Variants in SEC31B observed in about 807,000 individuals in gnomAD.
SEC31B encodes protein transport protein Sec31B.
In SEC31B, 113 loss-of-function variants were observed where a neutral mutation model predicts 135.0. The ratio of observed to expected loss-of-function variants is 0.84; its 90% CI spans 0.72 to 0.98. The LOEUF is 0.98. Ranked by LOEUF, SEC31B falls within the 50% of genes least tolerant of loss-of-function variation. The probability of loss-of-function intolerance (pLI) is 0.00; values close to 1 mark genes in which losing one functional copy is unlikely to be tolerated. For synonymous variants in SEC31B, 508 were observed against 549.4 expected (o/e 0.92, Z 1.05); for missense variants, 1,296 against 1,421.1 (o/e 0.91, Z 1.42).
At chr10:100,515,915 G>A (rs3750628) in intron 3 of SEC31B, among the ~76,000 whole-genome samples, 181 bp downstream of exon 3, 1 of 97,574 alleles carries the variant, frequency 1.0e-5, no homozygotes. Flanking sequence ...TGACTGGAAA[G>A]GGGGGGGGTG....
At chr10:100,505,861 T>C (rs2133689969) in intron 9 of SEC31B, 179 bp downstream of exon 9, 4 of 1,496,766 alleles carry the variant, frequency 2.7e-6, no homozygotes, top group Admixed American at 2.3e-5. Context: ...CTTCTTCACA[T>C]TGTGGCAGAA....
In SEC31B at chr10:100,490,830, C is replaced by T. The variant is rs75529153; in HGVS notation, c.2526G>A (p.Ala842=). The change falls in exon 20 of 26, where the codon GCG becomes GCA. Residue 842 remains alanine, a synonymous_variant. Transcript: ENST00000370345. ...PRVFTPQSSP[A]MPLAPSHPSP... ...TAGGATGGGAAGGTGCCAAGGGCAT[C>T]GCTGGTGATGACTGAGGGGTGAAAA... 0.016 allele frequency: 26,144 copies of T among 1,596,654 alleles called. 290 individuals carry two copies. Among genetic ancestry groups the T allele is most frequent in the Non-Finnish European group, 0.018 (21,324 of 1,169,240 alleles).
intron 3 of SEC31B, among the ~76,000 whole-genome samples, chr10:100,512,107 T>C (rs1403308447): frequency 1.3e-5 from 2 of 151,872 alleles, no homozygotes; most frequent in African/African-American, 4.8e-5. Flanking sequence ...CTGCTTGATG[T>C]TGTCCCTTAC....
rs771179890 is a variant in SEC31B, at chr10:100,508,999, C to T, written c.495+8G>A. On this transcript the variant is annotated splice_region_variant and intron_variant, in intron 5 of 25. Transcript: ENST00000370345. ...ACTCCAGGGTTGGGTAGTGGGGGTG[C>T]TGCTCACCTGTGACTTGGATCCCAG... 1.3e-5 allele frequency: 21 copies of T among 1,609,804 alleles called. No individual in the cohort carries two copies. The highest frequency in any genetic ancestry group is 1.6e-4 in the Middle Eastern group (1 of 6,070).
Position 100,501,946 on chromosome 10 carries a change from G to A in SEC31B, c.1410+308C>T, listed in dbSNP as rs1039895517. ...CATTACCTTATCTGCCCTTTGGCATGATACCGTGAAGGTCTTTGCCTTGGC... is the reference window on the plus strand; with the variant it reads ...CATTACCTTATCTGCCCTTTGGCATAATACCGTGAAGGTCTTTGCCTTGGC... On this transcript the variant is annotated intron_variant, in intron 11 of 25. Transcript: ENST00000370345. Among the ~76,000 whole-genome samples the A allele has an allele frequency of 7.2e-5, 11 of 152,128 alleles. No individual in the cohort carries two copies. In the East Asian group the frequency reaches 2.1e-3, roughly 29 times the overall value.
intron 19 of SEC31B, among the ~76,000 whole-genome samples, chr10:100,494,064 G>A (rs946260345): frequency 1.3e-5 from 2 of 150,732 alleles, no homozygotes; most frequent in Non-Finnish European, 2.9e-5. Context: ...GGGATTGAAG[G>A]TGGGACAAGA....
Position 100,495,502 on chromosome 10 carries a change from A to C in SEC31B, c.2355T>G (p.Gly785=). Residue 785 remains glycine (G), a synonymous_variant, in exon 19 of 26, where the codon GGT becomes GGG. Coordinates refer to ENST00000370345, the MANE Select transcript of SEC31B (RefSeq NM_015490.4). ...QLRDRLFHAQ[G]SAVLGQQSPP... ...GAGACTGTTGGCCCAAGACAGCAGA[A>C]CCTTGAGCATGAAAAAGCCGATCTC... 1 of 1,614,080 alleles carries C rather than the reference A, an allele frequency of 6.2e-7. No homozygotes were observed. Among genetic ancestry groups the C allele is most frequent in the Non-Finnish European group, 8.5e-7 (1 of 1,179,990 alleles).
intron 3 of SEC31B, among the ~76,000 whole-genome samples, chr10:100,515,088 C>T (rs1851804700): frequency 6.6e-6 from 1 of 151,580 alleles, no homozygotes; most frequent in Non-Finnish European, 1.5e-5. Flanking sequence ...CTCAGGAGTT[C>T]AAGACCAGCC....
rs1214970822 is a variant in SEC31B at position 100,487,055 on chromosome 10, C to G, written c.*561G>C. 1.3e-5 allele frequency: 2 copies of G among 152,890 alleles called. No homozygotes were observed. Among genetic ancestry groups the G allele is most frequent in the African/African-American group, 4.8e-5 (2 of 41,456 alleles). The allele number at this position is 152,890 out of a possible 1,614,324, so 9.5% of individuals were successfully genotyped here. On this transcript the variant is annotated 3_prime_UTR_variant, in exon 26 of 26. Transcript: ENST00000370345. ...CATTTTAACAGCGCCAAAGTTTCCT[C>G]TCTTGGTTCTGCTCAGCACCCATCC... is the stretch of plus-strand genomic sequence containing the variant.
Position 100,487,391 on chromosome 10 carries a change from G to C in SEC31B, c.*225C>G, listed in dbSNP as rs1851200423. 1.8e-6 allele frequency: 1 copy of C among 559,686 alleles called. No individual in the cohort carries two copies. Among genetic ancestry groups the C allele is most frequent in the African/African-American group, 1.9e-5 (1 of 53,078 alleles). 34.7% of individuals were successfully genotyped at this position (559,686 alleles called of 1,614,324 possible). ...GAGTGAAGAACTGATTCTATGCCCT[G>C]CCTCCAGGCCTGAGAGTGTCTTGGA... On this transcript the variant is annotated 3_prime_UTR_variant, in exon 26 of 26. Coordinates refer to ENST00000370345, the MANE Select transcript of SEC31B (RefSeq NM_015490.4).
chr10:100,497,474 C>T, intron 16 of SEC31B, 193 bp downstream of exon 16: 1 of 1,472,986 alleles, frequency 6.8e-7, no homozygotes, highest in Non-Finnish European at 9.0e-7. Flanking sequence ...TAAAACAGGA[C>T]AACAAAGGAT....
At chr10:100,497,326 G>A (rs747464608) in intron 16 of SEC31B, 46 bp from the exon 17 acceptor site, 2 of 1,602,224 alleles carry the variant, frequency 1.2e-6, no homozygotes, top group Admixed American at 1.7e-5. Context: ...TGCCCTGTGT[G>A]CCTCTCCTTC....
At chr10:100,489,045 G>C in intron 23 of SEC31B, 71 bp from the exon 24 acceptor site, 1 of 1,538,124 alleles carries the variant, frequency 6.5e-7, no homozygotes, top group Non-Finnish European at 8.7e-7. Context: ...CTAAGGACTA[G>C]TCCCCAGTGA....
Position 100,505,462 on chromosome 10 carries a change from G to A in SEC31B, c.1078C>T (p.Pro360Ser). The A allele has an allele frequency of 6.3e-7, 1 of 1,582,366 alleles. No individual in the cohort carries two copies. Among genetic ancestry groups the A allele is most frequent in the Non-Finnish European group, 8.6e-7 (1 of 1,165,556 alleles). ...ACTTGCTCTGGCACCTGCAGTGGTGGGAGAGGCTGGCCTTTGCTGAAGGAA... is the reference window on the plus strand; with the variant it reads ...ACTTGCTCTGGCACCTGCAGTGGTGAGAGAGGCTGGCCTTTGCTGAAGGAA... ...SSSFSKGQPL[P>S]PLQVPEQVAQ... Residue 360 changes from proline (P) to serine (S), a missense_variant, in exon 10 of 26, where the codon CCA becomes TCA. Transcript: ENST00000370345.
Position 100,490,254 on chromosome 10 carries a change from T to C in SEC31B, c.2719A>G (p.Thr907Ala). Residue 907 changes from threonine to alanine, a missense_variant, in exon 21 of 26, where the codon ACA becomes GCA. Physicochemically the swap from Thr to Ala is moderately conservative, Grantham distance 58. Transcript: ENST00000370345. ...AGAGGGGAACCAGGAAGAGGCCATG[T>C]CCCAGGGAATCCCACCGGGTTAGGA... Reference protein sequence around the residue: ...QVPNPVGFPGTWPLPGSPLPM... With the variant: ...QVPNPVGFPGAWPLPGSPLPM... The C allele has an allele frequency of 6.2e-7, 1 of 1,613,858 alleles. No individual in the cohort carries two copies.
intron 2 of SEC31B, 112 bp downstream of exon 2, chr10:100,516,762 A>G: frequency 1.2e-6 from 1 of 834,656 alleles, no homozygotes; most frequent in Admixed American, 2.2e-5. Flanking sequence ...GAGCCACCCT[A>G]TCTTTCTATG....
chr10:100,495,146 T>A, intron 19 of SEC31B: 1 of 474,754 alleles, frequency 2.1e-6, no homozygotes, highest in South Asian at 2.1e-5. Context: ...ATTTTTTACA[T>A]ATCTATCTTT....
intron 5 of SEC31B, chr10:100,508,541 C>A: frequency 2.2e-6 from 1 of 463,462 alleles, no homozygotes; most frequent in Non-Finnish European, 4.3e-6. Context: ...GACAGACAGC[C>A]TCTCCAAGAC....
At chr10:100,510,401 T>C (rs1269416802) in intron 3 of SEC31B, among the ~76,000 whole-genome samples, 1 of 152,252 alleles carries the variant, frequency 6.6e-6, no homozygotes, top group Non-Finnish European at 1.5e-5. Context: ...CTGAGGATGC[T>C]TCTAACAAGA....
Sources: gnomAD v4.1 joint callset for allele counts (sites outside exome capture counted in the v4.1 genomes callset) on GRCh38, gnomAD v4.1.1 for gene constraint, MANE v1.5 for transcripts, NCBI Gene and HGNC (gene_info 2026-07-23, HGNC 2026-07-21) for gene names.